The following NYAP2 variants were observed in gnomAD, a reference collection of about 807,000 sequenced individuals.
NYAP2 encodes neuronal tyrosine-phosphorylated phosphoinositide-3-kinase adaptor 2, also known as neuronal tyrosine-phosphorylated phosphoinositide-3-kinase adapter 2.
In NYAP2, 23 loss-of-function variants were observed where a neutral mutation model predicts 50.4. That is an observed-to-expected ratio of 0.46 (90% CI 0.33 to 0.65). NYAP2 has a LOEUF of 0.65. Ranked by LOEUF, NYAP2 falls within the 30% of genes least tolerant of loss-of-function variation. NYAP2 has a pLI of 0.02. For missense variants in NYAP2, 885 were observed against 861.0 expected, an observed-to-expected ratio of 1.03 and a Z score of -0.35; for synonymous variants, 394 against 365.2, an observed-to-expected ratio of 1.08 and a Z score of -0.90.
At chr2:225,458,144 T>C (rs1308849724) in intron 3 of NYAP2, among the ~76,000 whole-genome samples, 1 of 152,142 alleles carries the variant, frequency 6.6e-6, no homozygotes, top group Non-Finnish European at 1.5e-5. Flanking sequence ...GCATTTTACA[T>C]TTTCTTTAAT....
chr2:225,673,462 T>TA, the NYAP2 span, among the ~76,000 whole-genome samples: 8 of 151,708 alleles, frequency 5.3e-5, no homozygotes, highest in African/African-American at 9.7e-5. Flanking sequence ...TCAATTTATT[T>TA]AAAAAAAAAT....
At chr2:225,408,822 TCCCCACCC>T in intron 2 of NYAP2, 34 bp from the exon 3 acceptor site, 1 of 1,172,080 alleles carries the variant, frequency 8.5e-7, no homozygotes, top group Admixed American at 1.9e-5. Context: ...CTTGCTTTTT[TCCCCACCC>T]TGGATAAAAG....
chr2:225,464,745 T>C (rs971911677), intron 3 of NYAP2, among the ~76,000 whole-genome samples: 42 of 152,178 alleles, frequency 2.8e-4, no homozygotes, highest in Admixed American at 3.3e-4. Flanking sequence ...TTCCAACCCA[T>C]AGGTGGTTTG....
chr2:225,522,424 G>A (rs546210796), intron 4 of NYAP2, among the ~76,000 whole-genome samples: 1 of 152,110 alleles, frequency 6.6e-6, no homozygotes, highest in African/African-American at 2.4e-5. Context: ...AGCAAAAATT[G>A]GGATACCTGC....
At chr2:225,472,530 C>A (rs1324233497) in intron 3 of NYAP2, among the ~76,000 whole-genome samples, 1 of 152,078 alleles carries the variant, frequency 6.6e-6, no homozygotes, top group Non-Finnish European at 1.5e-5. Flanking sequence ...AGACATGGGC[C>A]TATTTTCAAT....
At chr2:225,638,534 T>C (rs1693467434) in intron 6 of NYAP2, among the ~76,000 whole-genome samples, 1 of 152,064 alleles carries the variant, frequency 6.6e-6, no homozygotes, top group Non-Finnish European at 1.5e-5. Flanking sequence ...GCCTAGACCA[T>C]GAGAGTGCCT....
At chr2:225,598,124 C>T (rs1692636707) in intron 5 of NYAP2, among the ~76,000 whole-genome samples, 1 of 151,996 alleles carries the variant, frequency 6.6e-6, no homozygotes, top group Non-Finnish European at 1.5e-5. Flanking sequence ...GCTGGAGGGC[C>T]TTCACATACG....
At chr2:225,567,035 G>A (rs1297381389) in intron 4 of NYAP2, among the ~76,000 whole-genome samples, 2 of 152,128 alleles carry the variant, frequency 1.3e-5, no homozygotes, top group Non-Finnish European at 2.9e-5. Flanking sequence ...ACATGATAGA[G>A]TGTACTTACC....
intron 4 of NYAP2, among the ~76,000 whole-genome samples, chr2:225,521,086 G>T (rs1376060185): frequency 7.0e-6 from 1 of 143,384 alleles, no homozygotes; most frequent in Non-Finnish European, 1.5e-5. Context: ...TCTGTTCTTG[G>T]TGTATAAGAA....
chr2:225,456,571 T>G (rs1689742331), intron 3 of NYAP2, among the ~76,000 whole-genome samples: 1 of 152,048 alleles, frequency 6.6e-6, no homozygotes, highest in African/African-American at 2.4e-5. Flanking sequence ...CTGAGGGTAT[T>G]TAAGGGTTCA....
intron 3 of NYAP2, among the ~76,000 whole-genome samples, chr2:225,429,758 A>C (rs551943920): frequency 3.5e-4 from 53 of 152,322 alleles, no homozygotes; most frequent in African/African-American, 1.2e-3. Flanking sequence ...GGCTCCATAA[A>C]GCTTCCTCTT....
intron 3 of NYAP2, among the ~76,000 whole-genome samples, chr2:225,512,664 C>T (rs12329253): frequency 0.31 from 45,487 of 147,484 alleles, 7,162 homozygotes; most frequent in South Asian, 0.47. Flanking sequence ...TTCCTCCCAT[C>T]TTTCTTTGCT....
intron 4 of NYAP2, among the ~76,000 whole-genome samples, chr2:225,573,346 G>A (rs1219760149): frequency 1.3e-5 from 2 of 150,192 alleles, no homozygotes; most frequent in Non-Finnish European, 3.0e-5. Flanking sequence ...CTGCCTCCAT[G>A]GTTCAAACAA....
intron 5 of NYAP2, 57 bp downstream of exon 5, chr2:225,583,092 G>A: frequency 6.4e-7 from 1 of 1,559,566 alleles, no homozygotes; most frequent in Non-Finnish European, 8.7e-7. Context: ...TACAACCAGG[G>A]TGAAGCCCAT....
intron 3 of NYAP2, among the ~76,000 whole-genome samples, chr2:225,426,320 G>A (rs1393339714): frequency 6.6e-6 from 1 of 152,070 alleles, no homozygotes; most frequent in African/African-American, 2.4e-5. Context: ...TGTAATATCA[G>A]TACCTACAGA....
intron 3 of NYAP2, among the ~76,000 whole-genome samples, chr2:225,437,578 A>G (rs1427117554): frequency 6.6e-6 from 1 of 152,188 alleles, no homozygotes; most frequent in Non-Finnish European, 1.5e-5. Context: ...GCATGGTAGT[A>G]TTTTGAACTC....
chr2:225,699,038 T>C, the NYAP2 span: 3 of 151,922 alleles, frequency 2.0e-5, no homozygotes, highest in Non-Finnish European at 4.4e-5. Flanking sequence ...AACGTAGAAG[T>C]TGAATATCAT....
At chr2:225,600,611 C>T (rs187094226) in intron 5 of NYAP2, among the ~76,000 whole-genome samples, 16 of 152,298 alleles carry the variant, frequency 1.1e-4, no homozygotes, top group Admixed American at 2.6e-4. Context: ...GGTCAGATCT[C>T]CTTCACTGTC....
At chr2:225,410,923 C>T (rs1695028265) in intron 3 of NYAP2, among the ~76,000 whole-genome samples, 2 of 152,056 alleles carry the variant, frequency 1.3e-5, no homozygotes, top group Admixed American at 1.3e-4. Context: ...TCTAAGTAAT[C>T]CATTTGTGTG....
Sources: gnomAD v4.1 joint callset for allele counts (sites outside exome capture counted in the v4.1 genomes callset) on GRCh38, gnomAD v4.1.1 for gene constraint, MANE v1.5 for transcripts, NCBI Gene and HGNC (gene_info 2026-07-23, HGNC 2026-07-21) for gene names.